The following BDNF variants were observed in gnomAD, a reference collection of about 807,000 sequenced individuals.
BDNF encodes brain derived neurotrophic factor.
Under a neutral mutation model 19.5 loss-of-function variants are expected in BDNF, and 1 was observed. The ratio of observed to expected loss-of-function variants is 0.05; its 90% CI spans 0.02 to 0.24. BDNF has a LOEUF of 0.24. BDNF is among the 10% of genes least tolerant of loss of function. BDNF has a pLI of 1.00. For synonymous variants in BDNF, 100 were observed against 121.6 expected (o/e 0.82, Z 1.17); for missense variants, 195 against 317.6 (o/e 0.61, Z 2.93).
chr11:27,718,692 G>A (rs953405553), intron 1 of BDNF, among the ~76,000 whole-genome samples: 2 of 151,522 alleles, frequency 1.3e-5, no homozygotes, highest in Non-Finnish European at 2.9e-5. Flanking sequence ...CCCTTTGTGT[G>A]CCGAGCAGCC....
intron 1 of BDNF, among the ~76,000 whole-genome samples, chr11:27,708,825 CTTT>C (rs67977614): frequency 4.4e-5 from 5 of 112,430 alleles, no homozygotes; most frequent in African/African-American, 1.4e-4. Context: ...TAGAATTCCT[CTTT>C]TTTTTTTTTT....
At chr11:27,719,724 C>T (rs977105284) in intron 1 of BDNF, 1 of 346,380 alleles carries the variant, frequency 2.9e-6, no homozygotes, top group Non-Finnish European at 3.3e-6. Flanking sequence ...GGGATGGAGG[C>T]TGGAGGAGGG....
intron 1 of BDNF, among the ~76,000 whole-genome samples, chr11:27,681,056 A>G (rs1049145388): frequency 6.6e-6 from 1 of 152,234 alleles, no homozygotes; most frequent in Non-Finnish European, 1.5e-5. Context: ...TAATGGGGAT[A>G]AGAGAAGGGC....
intron 1 of BDNF, among the ~76,000 whole-genome samples, chr11:27,720,955 C>A (rs1370989064): frequency 6.9e-6 from 1 of 144,784 alleles, no homozygotes; most frequent in Non-Finnish European, 1.5e-5. Flanking sequence ...CCCCACCCCC[C>A]ATCTACACCT....
At chr11:27,669,938 C>T (rs1347037853) in intron 1 of BDNF, among the ~76,000 whole-genome samples, 1 of 152,148 alleles carries the variant, frequency 6.6e-6, no homozygotes, top group Admixed American at 6.5e-5. Flanking sequence ...CAAAAAAGAG[C>T]CCGCATCGCC....
rs952886406 is a variant in BDNF at position 27,673,242 on chromosome 11, T to C, written c.-21-14657A>G. On this transcript the variant is annotated intron_variant, in intron 1 of 1. Transcript: ENST00000356660. ...TCCCTGCATCCAAGAATAAGCATGC[T>C]GTGTACAAAAAAAAAAAAAAAAGCA... Among the ~76,000 whole-genome samples the C allele has an allele frequency of 8.0e-5, 11 of 136,828 alleles. 1 individual carries two copies. Among genetic ancestry groups the C allele is most frequent in the African/African-American group, 3.3e-4 (11 of 33,258 alleles). 89.8% of individuals were successfully genotyped at this position (136,828 alleles called of 152,430 possible).
chr11:27,674,425 C>G (rs1344287831), intron 1 of BDNF: 2 of 1,448,940 alleles, frequency 1.4e-6, no homozygotes, highest in East Asian at 2.5e-5. Flanking sequence ...AGCCACTGCT[C>G]TACCCCAGCT....
chr11:27,662,519 C>G (rs964257966), intron 1 of BDNF, among the ~76,000 whole-genome samples: 14 of 152,192 alleles, frequency 9.2e-5, no homozygotes, highest in African/African-American at 3.1e-4. Flanking sequence ...TGGTCCCAAC[C>G]TTTTTGGCAG....
At position 27,712,839 on chromosome 11, in the gene BDNF, G is replaced by T. The variant is rs559125565; in HGVS notation, c.3+8573C>A. ...CCCATTTAGACATTTTTATGAGAAG[G>T]GTTTACATAAGCTTTACCAGACTGC... On this transcript the variant is annotated intron_variant, in intron 1 of 1. Transcript: ENST00000314915. Among the ~76,000 whole-genome samples the T allele has an allele frequency of 2.0e-5, 3 of 151,612 alleles. No homozygotes were observed. The East Asian group carries it at 5.8e-4, about 29-fold the overall frequency.
intron 1 of BDNF, among the ~76,000 whole-genome samples, chr11:27,680,270 C>CA (rs1191747244): frequency 6.6e-6 from 1 of 152,010 alleles, no homozygotes; most frequent in African/African-American, 2.4e-5. Flanking sequence ...AGGGCATTCC[C>CA]AAAAAAGAGA....
At chr11:27,713,909 T>C (rs886081335) in intron 1 of BDNF, among the ~76,000 whole-genome samples, 6 of 152,256 alleles carry the variant, frequency 3.9e-5, no homozygotes, top group Admixed American at 1.3e-4. Context: ...GTTACTAAAC[T>C]GCTGGTTTTT....
At chr11:27,717,541 T>C (rs188208520) in intron 1 of BDNF, among the ~76,000 whole-genome samples, 47 of 152,276 alleles carry the variant, frequency 3.1e-4, no homozygotes, top group Non-Finnish European at 4.1e-4. Flanking sequence ...GTATACTCCA[T>C]TGGGGGAGCT....
At chr11:27,715,263 A>C (rs1345821493) in intron 1 of BDNF, among the ~76,000 whole-genome samples, 2 of 152,202 alleles carry the variant, frequency 1.3e-5, no homozygotes, top group Non-Finnish European at 2.9e-5. Context: ...AGTGTCCAAG[A>C]CTGGGATGAA....
At chr11:27,670,684 A>C (rs1855205972) in intron 1 of BDNF, among the ~76,000 whole-genome samples, 1 of 152,244 alleles carries the variant, frequency 6.6e-6, no homozygotes, top group East Asian at 1.9e-4. Flanking sequence ...GCCATCAGAG[A>C]AATGCAAATC....
At chr11:27,720,228 CA>C (rs1425349576) in intron 1 of BDNF, 15 of 719,872 alleles carry the variant, frequency 2.1e-5, no homozygotes, top group Non-Finnish European at 2.6e-5. Context: ...TACCAAGAAA[CA>C]ACCCCCTCTC....
chr11:27,695,544 G>T (rs796119424), intron 1 of BDNF, among the ~76,000 whole-genome samples: 1 of 152,120 alleles, frequency 6.6e-6, no homozygotes, highest in South Asian at 2.1e-4. Context: ...GAGCTACTAG[G>T]TTCTGGGAGA....
chr11:27,676,221 G>A (rs1856085558), intron 1 of BDNF: 1 of 152,196 alleles, frequency 6.6e-6, no homozygotes, highest in African/African-American at 2.4e-5. Context: ...GCCCAGGAAT[G>A]ACCTCTTGTG....
At chr11:27,674,253 C>T in intron 1 of BDNF, 3 of 1,579,454 alleles carry the variant, frequency 1.9e-6, no homozygotes, top group Non-Finnish European at 1.7e-6. Context: ...TAACCTTGTG[C>T]ACTCATGGAG....
At chr11:27,700,814 C>A, upstream of BDNF, 1 of 1,219,512 alleles carries the variant, frequency 8.2e-7, no homozygotes, top group Non-Finnish European at 1.1e-6. Context: ...GCGCCCTCTG[C>A]AGAAACCCCG....
Sources: allele counts gnomAD v4.1 joint callset (sites outside exome capture counted in the v4.1 genomes callset), GRCh38; gene constraint gnomAD v4.1.1; transcripts MANE v1.5; gene names NCBI Gene and HGNC (gene_info 2026-07-23, HGNC 2026-07-21).